AKAP7: variants seen among roughly 807,000 people sequenced by gnomAD.
AKAP7 encodes A-kinase anchoring protein 7.
Under a neutral mutation model 39.5 loss-of-function variants are expected in AKAP7, and 39 were observed. The observed-to-expected ratio is 0.99, with a 90% confidence interval of 0.76 to 1.29. The LOEUF (loss-of-function observed/expected upper bound fraction) is 1.29, where lower values mean the gene tolerates loss of function less well. AKAP7 is among the 50% of genes most tolerant of loss of function. AKAP7 has a pLI of 0.00. For missense variants in AKAP7, 414 were observed against 407.7 expected, an observed-to-expected ratio of 1.02 and a Z score of -0.13; for synonymous variants, 140 against 139.1, an observed-to-expected ratio of 1.01 and a Z score of -0.05.
chr6:131,225,464 T>G (rs1175776193), intron 7 of AKAP7, among the ~76,000 whole-genome samples: 1 of 152,206 alleles, frequency 6.6e-6, no homozygotes, highest in Non-Finnish European at 1.5e-5. Context: ...ATATTAGCCT[T>G]TTGTTTGCCA....
chr6:131,165,620 G>A (rs1454723934), intron 4 of AKAP7, among the ~76,000 whole-genome samples: 1 of 152,128 alleles, frequency 6.6e-6, no homozygotes, highest in Admixed American at 6.5e-5. Context: ...AGAGCTCTTT[G>A]CCTGGGGCCT....
At position 131,283,359 on chromosome 6, in the gene AKAP7, A is replaced by G. The variant is rs1253708226; in HGVS notation, c.*1633A>G. ...CTTTTTCTATAGTCATTGATGGAGT[A>G]GATCATGATGGAGGGGAAATCACTG... On this transcript the variant is annotated 3_prime_UTR_variant, in exon 8 of 8. Transcript: ENST00000431975. 1 of 152,640 alleles carries G rather than the reference A, an allele frequency of 6.6e-6. No individual in the cohort carries two copies. Among genetic ancestry groups the G allele is most frequent in the Non-Finnish European group, 1.5e-5 (1 of 68,038 alleles). The allele number at this position is 152,640 out of a possible 1,614,324, so 9.5% of individuals were successfully genotyped here. A position where few individuals can be genotyped will look rare whatever the true frequency, so the allele number is the denominator to read the frequency against.
chr6:131,204,660 G>A (rs1807919018), intron 6 of AKAP7, among the ~76,000 whole-genome samples: 1 of 152,188 alleles, frequency 6.6e-6, no homozygotes, highest in Non-Finnish European at 1.5e-5. Flanking sequence ...CTGAGGAATG[G>A]TGGGACCTTG....
At chr6:131,196,214 C>G (rs1806911229) in intron 5 of AKAP7, among the ~76,000 whole-genome samples, 1 of 149,722 alleles carries the variant, frequency 6.7e-6, no homozygotes, top group Admixed American at 6.7e-5. Flanking sequence ...TTTCTTCTGC[C>G]TGTTTGGCCC....
the AKAP7 span, among the ~76,000 whole-genome samples, chr6:131,126,944 G>A: frequency 2.0e-5 from 3 of 152,306 alleles, no homozygotes; most frequent in African/African-American, 7.2e-5. Flanking sequence ...AGTTTAGTTT[G>A]TGAGATTGAC....
intron 5 of AKAP7, among the ~76,000 whole-genome samples, chr6:131,180,939 C>G (rs1805159648): frequency 6.6e-6 from 1 of 151,026 alleles, no homozygotes; most frequent in Non-Finnish European, 1.5e-5. Flanking sequence ...CTGGACCTGA[C>G]TCTCTGTTTA....
Position 131,135,616 on chromosome 6 carries a change from T to G in AKAP7, c.-148T>G. On this transcript the variant is annotated 5_prime_UTR_variant, in exon 1 of 8. Coordinates refer to ENST00000431975, the MANE Select transcript of AKAP7 (RefSeq NM_016377.4). The stretch of plus-strand genomic sequence containing the variant: ...CCGCCGCCCGGGCCCCCGCAGCCTG[T>G]CGCTGGACCCCGCGCCGGCCCAGCG... 1.5e-6 allele frequency: 1 copy of G among 686,594 alleles called. No individual in the cohort carries two copies. The highest frequency in any genetic ancestry group is 1.8e-6 in the Non-Finnish European group (1 of 555,198). The allele number at this position is 686,594 out of a possible 1,614,324, so 42.5% of individuals were successfully genotyped here.
At chr6:131,273,049 G>A (rs1001029144) in intron 7 of AKAP7, among the ~76,000 whole-genome samples, 3 of 152,126 alleles carry the variant, frequency 2.0e-5, no homozygotes, top group Admixed American at 6.5e-5. Flanking sequence ...GGATTTTTAC[G>A]CCCTCTTGAA....
intron 7 of AKAP7, among the ~76,000 whole-genome samples, chr6:131,258,453 T>A (rs796570193): frequency 7.9e-5 from 12 of 152,316 alleles, no homozygotes; most frequent in African/African-American, 2.9e-4. Context: ...AGTTAATTAC[T>A]ACCCAAATTG....
chr6:131,158,872 G>A (rs1802664927), intron 2 of AKAP7, among the ~76,000 whole-genome samples: 1 of 151,326 alleles, frequency 6.6e-6, no homozygotes, highest in Non-Finnish European at 1.5e-5. Context: ...TCAATTAATG[G>A]ATTGTAGTTT....
At chr6:131,228,541 A>C (rs548927729) in intron 7 of AKAP7, among the ~76,000 whole-genome samples, 36 of 152,168 alleles carry the variant, frequency 2.4e-4, no homozygotes, top group African/African-American at 8.7e-4. Context: ...TTTTTTGTAG[A>C]GACGGGGTCT....
At chr6:131,266,045 C>T (rs966416177) in intron 7 of AKAP7, among the ~76,000 whole-genome samples, 3 of 152,166 alleles carry the variant, frequency 2.0e-5, no homozygotes, top group African/African-American at 4.8e-5. Flanking sequence ...GGTGAAAGAA[C>T]ACAGCCCCTC....
chr6:131,279,350 C>T (rs1815016715), intron 7 of AKAP7, among the ~76,000 whole-genome samples: 1 of 152,132 alleles, frequency 6.6e-6, no homozygotes, highest in Non-Finnish European at 1.5e-5. Context: ...CTCACTGCAA[C>T]CTCTGCCTCC....
chr6:131,177,807 A>G (rs541648190), intron 5 of AKAP7, among the ~76,000 whole-genome samples: 1 of 152,320 alleles, frequency 6.6e-6, no homozygotes, highest in African/African-American at 2.4e-5. Context: ...ATTCTGTTAC[A>G]TTGTAAATTA....
In AKAP7 at chr6:131,266,180, T is replaced by C. The variant is rs536963082; in HGVS notation, c.851-15350T>C. ...CTGGGATTGTCTCTGACCTCCTCCT[T>C]CTAATCATCGCCTCGGTTCCCTGCT... is the stretch of plus-strand genomic sequence containing the variant. On this transcript the variant is annotated intron_variant, in intron 7 of 7. Transcript: ENST00000431975. 2.0e-4 allele frequency among the ~76,000 whole-genome samples: 31 copies of C among 152,298 alleles called. No individual in the cohort carries two copies. In the South Asian group the frequency reaches 6.2e-3, roughly 31 times the overall value.
At chr6:131,179,296 CCCGAGTAGCTGGGATTACAGGTGCCTG>C (rs1804885189) in intron 5 of AKAP7, among the ~76,000 whole-genome samples, 1 of 152,080 alleles carries the variant, frequency 6.6e-6, no homozygotes, top group Non-Finnish European at 1.5e-5. Context: ...GTCTCAGCCT[CCCGAGTAGCTGGGATTACAGGTGCCTG>C]CCACCACACC....
At chr6:131,226,857 G>A (rs1459192922) in intron 7 of AKAP7, among the ~76,000 whole-genome samples, 1 of 152,082 alleles carries the variant, frequency 6.6e-6, no homozygotes, top group African/African-American at 2.4e-5. Flanking sequence ...TTGTTTCTTT[G>A]CTTAATAATT....
intron 7 of AKAP7, among the ~76,000 whole-genome samples, chr6:131,249,922 C>T (rs531965772): frequency 6.6e-6 from 1 of 151,856 alleles, no homozygotes; most frequent in African/African-American, 2.4e-5. Context: ...AAAAGATATG[C>T]CGTACCGTAC....
chr6:131,219,195 G>A, intron 6 of AKAP7, among the ~76,000 whole-genome samples: 1 of 151,310 alleles, frequency 6.6e-6, no homozygotes, highest in African/African-American at 2.4e-5. Context: ...GAGCCTGAGG[G>A]AGGAGAATCA....
Sources: gnomAD v4.1 joint callset for allele counts (sites outside exome capture counted in the v4.1 genomes callset) on GRCh38, gnomAD v4.1.1 for gene constraint, MANE v1.5 for transcripts, NCBI Gene and HGNC (gene_info 2026-07-23, HGNC 2026-07-21) for gene names.